Variants in MEIKIN observed in about 807,000 individuals in gnomAD.
The protein encoded by MEIKIN is meiosis-specific kinetochore protein.
Position 131,822,382 on chromosome 5 carries a change from T to A in MEIKIN, c.976-3519A>T, listed in dbSNP as rs1189879283. Among the ~76,000 whole-genome samples, 5 of 152,254 alleles carry A rather than the reference T, an allele frequency of 3.3e-5. No individual in the cohort carries two copies. In the South Asian group the frequency reaches 1.0e-3, roughly 32 times the overall value. ...TCTTCTCTTTCTTCTTTCCTTCCTT[T>A]CTGTTTTCCTTTTAGTGAAGATGAT... On this transcript the variant is annotated intron_variant, in intron 11 of 12. Transcript: ENST00000442687.
chr5:131,944,342 TAATGGAAAATCA>T lies in MEIKIN; in HGVS notation c.288+311_288+322del, dbSNP rs906578827. On this transcript the variant is annotated intron_variant, in intron 3 of 12. Transcript: ENST00000442687. ...CTTAGTAATGAATGTTTCCAGTTGT[TAATGGAAAATCA>T]AATGGAAAACATGAAAAAAGGAGTT... is the stretch of plus-strand genomic sequence containing the variant. 50 of 187,858 alleles carry T rather than the reference TAATGGAAAATCA, an allele frequency of 2.7e-4. 1 individual carries two copies. The highest frequency in any genetic ancestry group is 1.4e-3 in the East Asian group (11 of 7,674). 11.6% of individuals were successfully genotyped at this position (187,858 alleles called of 1,614,324 possible).
intron 5 of MEIKIN, among the ~76,000 whole-genome samples, chr5:131,928,626 C>T (rs1260880354): frequency 6.6e-6 from 1 of 152,054 alleles, no homozygotes; most frequent in East Asian, 1.9e-4. Context: ...TATCTTTTAA[C>T]TCGTATACCA....
At position 131,922,071 on chromosome 5, in the gene MEIKIN, G is replaced by A. The variant is rs146838912; in HGVS notation, c.479-130C>T. 2.6e-3 allele frequency: 1,021 copies of A among 392,204 alleles called. 5 individuals are homozygous for A. The highest frequency in any genetic ancestry group is 3.9e-3 in the Non-Finnish European group (875 of 222,474). 24.3% of individuals were successfully genotyped at this position (392,204 alleles called of 1,614,324 possible). A position where few individuals can be genotyped will look rare whatever the true frequency, so the allele number is the denominator to read the frequency against. ...TATTATATTTGAAGGTTTTGGATGA[G>A]ACAGAAAAAAATAAGCCTTGATGGA... On this transcript the variant is annotated intron_variant, in intron 5 of 12. Coordinates refer to ENST00000442687, the MANE Select transcript of MEIKIN (RefSeq NM_001303622.2).
intron 10 of MEIKIN, among the ~76,000 whole-genome samples, chr5:131,853,694 T>C (rs1332978188): frequency 4.6e-5 from 7 of 152,132 alleles, no homozygotes; most frequent in African/African-American, 1.4e-4. Context: ...AGGACTTGAA[T>C]AGATATTTTC....
At chr5:131,835,029 G>T (rs1322442068) in intron 11 of MEIKIN, among the ~76,000 whole-genome samples, 1 of 151,968 alleles carries the variant, frequency 6.6e-6, no homozygotes, top group Non-Finnish European at 1.5e-5. Context: ...GTTTTGATTT[G>T]AATTTCCCTG....
At chr5:131,939,803 T>G (rs1242319220) in intron 4 of MEIKIN, among the ~76,000 whole-genome samples, 1 of 152,184 alleles carries the variant, frequency 6.6e-6, no homozygotes, top group African/African-American at 2.4e-5. Context: ...TTCTATTTCC[T>G]TATACCTTTC....
chr5:131,891,855 G>A (rs7707160), intron 8 of MEIKIN, among the ~76,000 whole-genome samples: 2,186 of 152,250 alleles, frequency 0.014, 41 homozygotes, highest in African/African-American at 0.046. Flanking sequence ...GGATGGTACC[G>A]GTTGTTCTTT....
intron 10 of MEIKIN, 94 bp from the exon 11 acceptor site, chr5:131,851,477 ATTGG>A: frequency 2.6e-6 from 1 of 391,792 alleles, no homozygotes; most frequent in East Asian, 3.6e-5. Context: ...ATACCATCTC[ATTGG>A]AAGCATTTTC....
intron 8 of MEIKIN, among the ~76,000 whole-genome samples, chr5:131,911,420 G>A (rs1214381597): frequency 6.6e-6 from 1 of 151,900 alleles, no homozygotes; most frequent in African/African-American, 2.4e-5. Flanking sequence ...CTACATAAGG[G>A]TTTGCAAGAC....
chr5:131,838,300 T>C (rs1749845458), intron 11 of MEIKIN, among the ~76,000 whole-genome samples: 1 of 152,188 alleles, frequency 6.6e-6, no homozygotes, highest in Non-Finnish European at 1.5e-5. Flanking sequence ...TCAAGGATAT[T>C]GGTCTGAAGT....
In MEIKIN at chr5:131,882,536, T is replaced by G. The variant is rs77727756; in HGVS notation, c.704-3488A>C. Among the ~76,000 whole-genome samples, 712 of 152,288 alleles carry G rather than the reference T, an allele frequency of 4.7e-3. 8 individuals are homozygous for G. Among genetic ancestry groups the G allele is most frequent in the African/African-American group, 0.016 (676 of 41,558 alleles). On this transcript the variant is annotated intron_variant, in intron 8 of 12. Coordinates refer to ENST00000442687, the MANE Select transcript of MEIKIN (RefSeq NM_001303622.2). ...TATCCTAAAATGGTAATGTCAGGTGTTGTAGCTACCGACCTATGGGGCTAT... is the reference window on the plus strand; with the variant it reads ...TATCCTAAAATGGTAATGTCAGGTGGTGTAGCTACCGACCTATGGGGCTAT...
At chr5:131,902,065 TCTCC>T (rs2149639381) in intron 8 of MEIKIN, among the ~76,000 whole-genome samples, 1 of 152,260 alleles carries the variant, frequency 6.6e-6, no homozygotes, top group South Asian at 2.1e-4. Flanking sequence ...ACCTCCTCCC[TCTCC>T]CTGTCTCTCT....
At chr5:131,868,460 C>T (rs953933740) in intron 9 of MEIKIN, among the ~76,000 whole-genome samples, 2 of 152,136 alleles carry the variant, frequency 1.3e-5, no homozygotes, top group Non-Finnish European at 1.5e-5. Context: ...AAACTATTGC[C>T]TTTTGTATAT....
intron 5 of MEIKIN, among the ~76,000 whole-genome samples, chr5:131,930,296 A>G (rs1298321147): frequency 2.0e-5 from 3 of 152,106 alleles, no homozygotes; most frequent in South Asian, 2.1e-4. Flanking sequence ...ATACTTCTTT[A>G]GTCTTCTTTA....
chr5:131,835,860 T>C (rs1749796956), intron 11 of MEIKIN, among the ~76,000 whole-genome samples: 2 of 152,256 alleles, frequency 1.3e-5, no homozygotes, highest in African/African-American at 4.8e-5. Flanking sequence ...CCCAAAGTGC[T>C]GGGATTATAG....
At chr5:131,898,180 G>T (rs759719848) in intron 8 of MEIKIN, among the ~76,000 whole-genome samples, 1 of 152,182 alleles carries the variant, frequency 6.6e-6, no homozygotes, top group African/African-American at 2.4e-5. Context: ...CAGGTCTGCT[G>T]GAGTTTGCTG....
rs189402569 is a variant in MEIKIN, at chr5:131,883,551, T to C, written c.704-4503A>G. ...CTTAGTAGAAGAGCCTGGCACACGG[T>C]TGAAACACAGCTGGATTTGTTGAAT... On this transcript the variant is annotated intron_variant, in intron 8 of 12. Coordinates refer to ENST00000442687, the MANE Select transcript of MEIKIN (RefSeq NM_001303622.2). Among the ~76,000 whole-genome samples the C allele has an allele frequency of 6.5e-4, 99 of 152,300 alleles. 1 individual carries two copies. Among genetic ancestry groups the C allele is most frequent in the African/African-American group, 2.2e-3 (92 of 41,564 alleles).
intron 5 of MEIKIN, among the ~76,000 whole-genome samples, chr5:131,923,901 G>A (rs1287168844): frequency 2.0e-5 from 3 of 151,954 alleles, no homozygotes; most frequent in Non-Finnish European, 4.4e-5. Flanking sequence ...GTTAACTAAA[G>A]GCACAGTGTT....
intron 8 of MEIKIN, among the ~76,000 whole-genome samples, chr5:131,897,556 C>G (rs755192032): frequency 3.3e-5 from 5 of 152,150 alleles, no homozygotes; most frequent in African/African-American, 1.2e-4. Context: ...TTCACATAGT[C>G]CCAGAAGCCT....
Sources: gnomAD v4.1 joint callset for allele counts (sites outside exome capture counted in the v4.1 genomes callset) on GRCh38, gnomAD v4.1.1 for gene constraint, MANE v1.5 for transcripts, NCBI Gene and HGNC (gene_info 2026-07-23, HGNC 2026-07-21) for gene names.